Variants in DLG2 observed in about 807,000 individuals in gnomAD.
DLG2 encodes the protein disks large homolog 2.
Under a neutral mutation model 132.5 loss-of-function variants are expected in DLG2, and 45 were observed. That is an observed-to-expected ratio of 0.34 (90% CI 0.27 to 0.44). DLG2 has a LOEUF of 0.44. Among genes scored for constraint, DLG2 ranks in the 20% least tolerant of loss-of-function variants. The pLI, the probability that DLG2 is intolerant of heterozygous loss-of-function variation, is 1.00. For missense variants in DLG2, 1,045 were observed against 1,196.9 expected (o/e 0.87, Z 1.87); for synonymous variants, 424 against 419.6 (o/e 1.01, Z -0.13).
chr11:84,718,650 G>T (rs76707890), intron 6 of DLG2, among the ~76,000 whole-genome samples: 1 of 152,124 alleles, frequency 6.6e-6, no homozygotes, highest in Non-Finnish European at 1.5e-5. Flanking sequence ...ATTTAGCACC[G>T]CTAAGTAATT....
chr11:84,357,990 T>C (rs2098627931), intron 7 of DLG2, among the ~76,000 whole-genome samples: 1 of 151,978 alleles, frequency 6.6e-6, no homozygotes, highest in Admixed American at 6.6e-5. Context: ...AAATAAAAGA[T>C]TTCTACATAT....
intron 8 of DLG2, among the ~76,000 whole-genome samples, chr11:84,242,167 G>A (rs2097237556): frequency 6.6e-6 from 1 of 152,056 alleles, no homozygotes; most frequent in Admixed American, 6.6e-5. Flanking sequence ...TTCTTCACTT[G>A]GACAACCGTT....
intron 27 of DLG2, 119 bp downstream of exon 27, chr11:83,461,883 T>C: frequency 1.4e-6 from 1 of 699,018 alleles, no homozygotes; most frequent in South Asian, 1.6e-5. Flanking sequence ...AAACAGATAT[T>C]AGGGATTCTC....
intron 7 of DLG2, among the ~76,000 whole-genome samples, chr11:84,323,962 C>A (rs2098418415): frequency 6.6e-6 from 1 of 151,726 alleles, no homozygotes; most frequent in South Asian, 2.1e-4. Context: ...GATATTAAGC[C>A]CTTATCAAGT....
chr11:84,448,667 A>T (rs2099042731), intron 7 of DLG2, among the ~76,000 whole-genome samples: 1 of 152,068 alleles, frequency 6.6e-6, no homozygotes, highest in Admixed American at 6.6e-5. Context: ...ACCACCAGAC[A>T]GAGCCAGTAA....
chr11:84,290,121 T>C (rs1047109823), intron 7 of DLG2, among the ~76,000 whole-genome samples: 2 of 152,160 alleles, frequency 1.3e-5, no homozygotes, highest in Non-Finnish European at 2.9e-5. Flanking sequence ...TCAACTCAGA[T>C]CATGGTCTTC....
intron 6 of DLG2, among the ~76,000 whole-genome samples, chr11:84,984,061 A>C (rs1158409877): frequency 1.3e-5 from 2 of 152,216 alleles, no homozygotes; most frequent in Non-Finnish European, 2.9e-5. Flanking sequence ...AAAAAGAGAA[A>C]TCTGAAAGTT....
intron 4 of DLG2, among the ~76,000 whole-genome samples, chr11:85,222,030 C>T (rs143999309): frequency 2.2e-4 from 33 of 152,098 alleles, no homozygotes; most frequent in South Asian, 6.2e-4. Context: ...CTCCACCTCC[C>T]GGGTTCAAGC....
intron 7 of DLG2, among the ~76,000 whole-genome samples, chr11:84,482,270 A>C (rs565119205): frequency 6.6e-6 from 1 of 152,306 alleles, no homozygotes; most frequent in South Asian, 2.1e-4. Context: ...GCTGCTTGCC[A>C]AGCAAACATT....
At chr11:84,670,008 A>C (rs2099704014) in intron 6 of DLG2, among the ~76,000 whole-genome samples, 1 of 152,192 alleles carries the variant, frequency 6.6e-6, no homozygotes, top group East Asian at 1.9e-4. Context: ...GAACCAGAAG[A>C]AGTTCTTTGG....
At chr11:85,028,693 G>C (rs1020550421) in intron 6 of DLG2, among the ~76,000 whole-genome samples, 1 of 152,194 alleles carries the variant, frequency 6.6e-6, no homozygotes, top group Non-Finnish European at 1.5e-5. Flanking sequence ...GGAACAGGGA[G>C]AGGCCAGACA....
At chr11:83,620,538 A>G (rs80264289) in intron 19 of DLG2, among the ~76,000 whole-genome samples, 5,665 of 152,264 alleles carry the variant, frequency 0.037, 364 homozygotes, top group African/African-American at 0.13. Context: ...GCATACGTAC[A>G]CAAAGAAAAA....
At chr11:83,669,045 C>T (rs1222677597) in intron 18 of DLG2, among the ~76,000 whole-genome samples, 2 of 152,056 alleles carry the variant, frequency 1.3e-5, no homozygotes, top group East Asian at 3.9e-4. Context: ...CCTGGCCCAT[C>T]AAAATGCTCT....
Position 85,360,907 on chromosome 11 carries a change from A to G in DLG2, c.41-75542T>C, listed in dbSNP as rs188354118. Among the ~76,000 whole-genome samples the G allele has an allele frequency of 4.3e-4, 66 of 152,328 alleles. 1 individual carries two copies. The East Asian group carries it at 0.011, about 26-fold the overall frequency. ...AGCCAAGGTCACCAACTTATAAATG[A>G]CTACAGTGGTAATAATAGTAGTAAT... On this transcript the variant is annotated intron_variant, in intron 3 of 27. Coordinates refer to ENST00000376104, the MANE Select transcript of DLG2 (RefSeq NM_001142699.3).
At chr11:84,070,536 T>G (rs2096740710) in intron 10 of DLG2, among the ~76,000 whole-genome samples, 1 of 152,250 alleles carries the variant, frequency 6.6e-6, no homozygotes, top group Admixed American at 6.5e-5. Context: ...GATTTCCTAT[T>G]TTCCTCTACT....
rs572274592 is a variant in DLG2 at position 85,324,336 on chromosome 11, T to C, written c.41-38971A>G. Among the ~76,000 whole-genome samples the C allele has an allele frequency of 1.4e-3, 220 of 152,294 alleles. 1 individual carries two copies. The highest frequency in any genetic ancestry group is 5.0e-3 in the African/African-American group (207 of 41,572). The stretch of plus-strand genomic sequence containing the variant: ...TCTAGCTTTCCTGCTAGATAGACTA[T>C]AAGTTTCATAGAGGTAGCCTTATAT... On this transcript the variant is annotated intron_variant, in intron 3 of 27. Transcript: ENST00000376104.
intron 6 of DLG2, among the ~76,000 whole-genome samples, chr11:84,642,019 T>C (rs79487800): frequency 0.085 from 11,926 of 140,736 alleles, 592 homozygotes; most frequent in Admixed American, 0.15. Flanking sequence ...TATATATATA[T>C]ACACACACAC....
chr11:84,026,959 C>G (rs928080354), intron 11 of DLG2, among the ~76,000 whole-genome samples: 3 of 151,794 alleles, frequency 2.0e-5, no homozygotes, highest in African/African-American at 7.3e-5. Flanking sequence ...TATTATATTC[C>G]TTATTATTAT....
At chr11:85,162,221 G>A (rs1236261866) in intron 4 of DLG2, among the ~76,000 whole-genome samples, 1 of 152,140 alleles carries the variant, frequency 6.6e-6, no homozygotes, top group Non-Finnish European at 1.5e-5. Context: ...AAGTGTGTGC[G>A]TGGAATACAG....
Sources: gnomAD v4.1 joint callset for allele counts (sites outside exome capture counted in the v4.1 genomes callset) on GRCh38, gnomAD v4.1.1 for gene constraint, MANE v1.5 for transcripts, NCBI Gene and HGNC (gene_info 2026-07-23, HGNC 2026-07-21) for gene names.